SLC35G2: variants seen among roughly 807,000 people sequenced by gnomAD.
The protein encoded by SLC35G2 is transmembrane protein 22.
A neutral mutation model predicts 27.2 loss-of-function variants in SLC35G2; 20 were observed. The ratio of observed to expected loss-of-function variants is 0.74; its 90% CI spans 0.52 to 1.07. SLC35G2 has a LOEUF of 1.07. Ranked by LOEUF, SLC35G2 falls within the 50% of genes least tolerant of loss-of-function variation. The pLI is 0.00. For missense variants in SLC35G2, 416 were observed against 493.3 expected (o/e 0.84, Z 1.48); for synonymous variants, 148 against 165.3 (o/e 0.90, Z 0.80).
intron 1 of SLC35G2, among the ~76,000 whole-genome samples, chr3:136,850,706 T>A (rs76693702): frequency 2.0e-5 from 3 of 151,560 alleles, no homozygotes; most frequent in Admixed American, 6.6e-5. Flanking sequence ...AAAAAAAAAA[T>A]AATGCAGCTG....
chr3:136,844,007 A>C (rs914801386), intron 1 of SLC35G2, among the ~76,000 whole-genome samples: 1 of 152,170 alleles, frequency 6.6e-6, no homozygotes, highest in African/African-American at 2.4e-5. Context: ...AGCTGAGCCT[A>C]GATGAAGGTT....
rs545896647 is a variant in SLC35G2, at chr3:136,848,583, A to C, written c.-18-5860A>C. 2.0e-5 allele frequency among the ~76,000 whole-genome samples: 3 copies of C among 152,322 alleles called. No individual in the cohort carries two copies. In the East Asian group the frequency reaches 5.8e-4, roughly 29 times the overall value. ...GTGACAAAGTGAATCTGGGGTGACAAAAAGCCATCATAGTCATAAAAAAGA... is the reference window on the plus strand; with the variant it reads ...GTGACAAAGTGAATCTGGGGTGACACAAAGCCATCATAGTCATAAAAAAGA... On this transcript the variant is annotated intron_variant, in intron 1 of 1. Transcript: ENST00000446465.
At chr3:136,830,321 C>T (rs28761333) in intron 1 of SLC35G2, among the ~76,000 whole-genome samples, 102,146 of 150,252 alleles carry the variant, frequency 0.68, 34,950 homozygotes, top group East Asian at 0.87. Context: ...CTTGCTCTAT[C>T]GCCCGAGCTG....
intron 1 of SLC35G2, among the ~76,000 whole-genome samples, chr3:136,853,247 C>T (rs1260567510): frequency 6.6e-6 from 1 of 152,062 alleles, no homozygotes; most frequent in Non-Finnish European, 1.5e-5. Context: ...AGACACATAC[C>T]ACCAGGCCCG....
At chr3:136,837,163 C>G (rs556699937) in intron 1 of SLC35G2, among the ~76,000 whole-genome samples, 7 of 151,706 alleles carry the variant, frequency 4.6e-5, no homozygotes, top group African/African-American at 7.3e-5. Context: ...CACACACACA[C>G]AGAATTCTTT....
Position 136,855,358 on chromosome 3 carries a change from A to G in SLC35G2, c.898A>G (p.Ile300Val), listed in dbSNP as rs1937950848. 2 of 1,614,190 alleles carry G rather than the reference A, an allele frequency of 1.2e-6. No homozygotes were observed. The highest frequency in any genetic ancestry group is 8.5e-7 in the Non-Finnish European group (1 of 1,180,020). ...TGGTTGGACTGGGACAATTTGGGGA[A>G]TATCTACTATGTTTATTCTTCAAGA... ...TFGWTGTIWG[I>V]STMFILQEPI... The change falls in exon 2 of 2, where the codon ATA (isoleucine) becomes GTA (valine). Residue 300 changes from isoleucine (I) to valine (V), a missense_variant. Ile to Val is a conservative substitution (Grantham distance 29, BLOSUM62 3). Transcript: ENST00000446465.
At chr3:136,852,529 G>C (rs1267930174) in intron 1 of SLC35G2, among the ~76,000 whole-genome samples, 1 of 146,030 alleles carries the variant, frequency 6.8e-6, no homozygotes, top group Non-Finnish European at 1.5e-5. Flanking sequence ...GTCTTGCTCT[G>C]TTGCTGATGC....
chr3:136,838,190 T>C (rs918843500), intron 1 of SLC35G2: 6 of 151,412 alleles, frequency 4.0e-5, no homozygotes, highest in Admixed American at 2.6e-4. Context: ...TTATATATAA[T>C]GTCCCTGTCA....
At chr3:136,828,976 A>G (rs1414488172) in intron 1 of SLC35G2, among the ~76,000 whole-genome samples, 8 of 152,212 alleles carry the variant, frequency 5.3e-5, no homozygotes, top group Admixed American at 3.9e-4. Context: ...ATGACAACAA[A>G]GATTGCATAA....
intron 1 of SLC35G2, among the ~76,000 whole-genome samples, chr3:136,833,678 C>T (rs187094501): frequency 8.6e-4 from 131 of 152,126 alleles, no homozygotes; most frequent in African/African-American, 1.9e-3. Context: ...ATAATGTTGC[C>T]GTTGATCTGA....
rs149898015 is a variant in SLC35G2, at chr3:136,836,892, A to C, written c.-19+17264A>C. ...CTTAGATTGAAATTCTAGGAGCTGG[A>C]TGATGGTGTCTTCTCTTTTAGTGCT... On this transcript the variant is annotated intron_variant, in intron 1 of 1. Transcript: ENST00000446465. Among the ~76,000 whole-genome samples the C allele has an allele frequency of 2.1e-3, 313 of 152,324 alleles. 1 individual carries two copies. Among genetic ancestry groups the C allele is most frequent in the Non-Finnish European group, 3.6e-3 (248 of 68,016 alleles).
At chr3:136,832,832 GC>G (rs1936763904) in intron 1 of SLC35G2, among the ~76,000 whole-genome samples, 2 of 152,196 alleles carry the variant, frequency 1.3e-5, no homozygotes, top group African/African-American at 2.4e-5. Flanking sequence ...ACTTTGGGAG[GC>G]CGAGGCAGGT....
chr3:136,821,043 G>T (rs1407674199), intron 1 of SLC35G2, among the ~76,000 whole-genome samples: 2 of 152,028 alleles, frequency 1.3e-5, no homozygotes, highest in Admixed American at 1.3e-4. Flanking sequence ...TAAATATATT[G>T]GTGGTATGTG....
At chr3:136,832,239 C>T (rs1377104326) in intron 1 of SLC35G2, among the ~76,000 whole-genome samples, 1 of 152,194 alleles carries the variant, frequency 6.6e-6, no homozygotes, top group Non-Finnish European at 1.5e-5. Context: ...TGGTCTTGAT[C>T]TTCTGACCTC....
intron 1 of SLC35G2, among the ~76,000 whole-genome samples, chr3:136,852,571 C>A (rs1273853587): frequency 6.6e-6 from 1 of 151,240 alleles, no homozygotes; most frequent in Non-Finnish European, 1.5e-5. Context: ...TGGCTCACTG[C>A]AACCTCCGTC....
intron 1 of SLC35G2, among the ~76,000 whole-genome samples, chr3:136,850,112 T>C (rs995285950): frequency 6.6e-6 from 1 of 152,018 alleles, no homozygotes; most frequent in South Asian, 2.1e-4. Context: ...GTCTCAAAAA[T>C]AAATAAATAA....
At chr3:136,853,093 G>GTT (rs1937753561) in intron 1 of SLC35G2, among the ~76,000 whole-genome samples, 2 of 151,724 alleles carry the variant, frequency 1.3e-5, no homozygotes, top group Admixed American at 6.6e-5. Flanking sequence ...AGTGGACATC[G>GTT]TTTTTGTTTT....
intron 1 of SLC35G2, among the ~76,000 whole-genome samples, chr3:136,827,359 G>A (rs1010013062): frequency 6.6e-6 from 1 of 151,810 alleles, no homozygotes; most frequent in African/African-American, 2.4e-5. Flanking sequence ...GACTACAGGT[G>A]TGCACCACCA....
At chr3:136,841,077 C>A (rs1937075311) in intron 1 of SLC35G2, among the ~76,000 whole-genome samples, 1 of 151,624 alleles carries the variant, frequency 6.6e-6, no homozygotes, top group Non-Finnish European at 1.5e-5. Flanking sequence ...GATCTGCCCG[C>A]TTCAGCCTCC....
Sources: allele counts gnomAD v4.1 joint callset (sites outside exome capture counted in the v4.1 genomes callset), GRCh38; gene constraint gnomAD v4.1.1; transcripts MANE v1.5; gene names NCBI Gene and HGNC (gene_info 2026-07-23, HGNC 2026-07-21).